FNDC1: variants seen among roughly 807,000 people sequenced by gnomAD.
FNDC1 encodes the protein fibronectin type III domain containing 1.
Under a neutral mutation model 168.0 loss-of-function variants are expected in FNDC1, and 96 were observed. That is an observed-to-expected ratio of 0.57 (90% CI 0.48 to 0.68). FNDC1 has a LOEUF of 0.68. FNDC1 is among the 30% of genes least tolerant of loss of function. The probability of loss-of-function intolerance (pLI) is 0.00; values close to 1 mark genes in which losing one functional copy is unlikely to be tolerated. For missense variants in FNDC1, 2,587 were observed against 2,482.1 expected (o/e 1.04, Z -0.90); for synonymous variants, 1,099 against 1,025.9 (o/e 1.07, Z -1.36).
At chr6:159,220,939 T>G (rs1782810432) in intron 5 of FNDC1, among the ~76,000 whole-genome samples, 1 of 152,196 alleles carries the variant, frequency 6.6e-6, no homozygotes, top group South Asian at 2.1e-4. Flanking sequence ...CTGTTCAATT[T>G]TCAAGTTCAG....
intron 4 of FNDC1, among the ~76,000 whole-genome samples, chr6:159,209,530 G>A (rs1583872871): frequency 6.6e-6 from 1 of 152,320 alleles, no homozygotes; most frequent in African/African-American, 2.4e-5. Context: ...CATGTCAAGT[G>A]GCATTTCCTG....
chr6:159,239,698 C>G lies in FNDC1; in HGVS notation c.4362C>G (p.Thr1454=). The G allele has an allele frequency of 6.4e-7, 1 of 1,551,330 alleles. No individual in the cohort carries two copies. Among genetic ancestry groups the G allele is most frequent in the Non-Finnish European group, 8.7e-7 (1 of 1,147,000 alleles). ...THPPTTTMQP[T]TTTTPLPTTT... ...CCCCTACCACTACCATGCAGCCCACCACTACTACGACGCCCCTGCCTACCA... is the reference window on the plus strand; with the variant it reads ...CCCCTACCACTACCATGCAGCCCACGACTACTACGACGCCCCTGCCTACCA... The change falls in exon 14 of 23, where the codon ACC becomes ACG. Residue 1454 remains threonine (T), a synonymous_variant. Transcript: ENST00000297267.
rs751300011 is a variant in FNDC1 at position 159,267,792 on chromosome 6, T to C, written c.5447-12T>C. 3 of 1,613,412 alleles carry C rather than the reference T, an allele frequency of 1.9e-6. No individual in the cohort carries two copies. Among genetic ancestry groups the C allele is most frequent in the Admixed American group, 3.3e-5 (2 of 59,906 alleles). ...GTACCTAGTCATGGACTCAATCAAT[T>C]CCTTCATGCAGATACATTCTACAGC... On this transcript the variant is annotated splice_polypyrimidine_tract_variant and intron_variant, in intron 21 of 22. Transcript: ENST00000297267.
chr6:159,189,022 G>A (rs1359402476), intron 1 of FNDC1, among the ~76,000 whole-genome samples: 1 of 152,164 alleles, frequency 6.6e-6, no homozygotes, highest in Non-Finnish European at 1.5e-5. Flanking sequence ...CAAGTGCTGG[G>A]ATTATAGGTG....
intron 1 of FNDC1, among the ~76,000 whole-genome samples, chr6:159,177,133 G>T (rs73799321): frequency 0.024 from 3,611 of 152,182 alleles, 124 homozygotes; most frequent in African/African-American, 0.081. Context: ...ATTCAGTGTG[G>T]TTCCCAAGGA....
In FNDC1 at chr6:159,233,665, C is replaced by G; in HGVS notation, c.3153C>G (p.Ser1051=). ...PRPTSQGRSH[S]SSDPYTASSR... ...CCACGTCGCAGGGCCGCTCCCACTC[C>G]TCCTCGGACCCTTACACGGCGAGCT... The change falls in exon 11 of 23, where the codon TCC becomes TCG. Residue 1051 remains serine, a synonymous_variant. Transcript: ENST00000297267. This position sits in a 1 kb window ranked among gnomAD's most constrained non-coding sequence, Gnocchi z 4.6. 1 of 1,551,078 alleles carries G rather than the reference C, an allele frequency of 6.4e-7. No individual in the cohort carries two copies. The highest frequency in any genetic ancestry group is 8.7e-7 in the Non-Finnish European group (1 of 1,148,632).
At chr6:159,250,045 C>T (rs949862691) in intron 16 of FNDC1, among the ~76,000 whole-genome samples, 13 of 152,212 alleles carry the variant, frequency 8.5e-5, no homozygotes, top group African/African-American at 2.4e-4. Flanking sequence ...TTACCACATG[C>T]GCTGACTTCT....
At chr6:159,174,004 C>T (rs1781713047) in intron 1 of FNDC1, among the ~76,000 whole-genome samples, 1 of 152,168 alleles carries the variant, frequency 6.6e-6, no homozygotes. Context: ...GAGCAGACCT[C>T]TTTTCATTGG....
At chr6:159,172,654 T>G (rs1026036212) in intron 1 of FNDC1, among the ~76,000 whole-genome samples, 3 of 152,196 alleles carry the variant, frequency 2.0e-5, no homozygotes, top group African/African-American at 7.2e-5. Context: ...CAATCTTGCA[T>G]GGGTAAAAGG....
At chr6:159,246,467 G>A (rs1777127268) in intron 14 of FNDC1, among the ~76,000 whole-genome samples, 1 of 152,186 alleles carries the variant, frequency 6.6e-6, no homozygotes. Flanking sequence ...TCACCATCCT[G>A]AGCACCAACC....
At chr6:159,199,937 G>A in intron 2 of FNDC1, 59 bp from the exon 3 acceptor site, 1 of 1,432,074 alleles carries the variant, frequency 7.0e-7, no homozygotes, top group Non-Finnish European at 9.7e-7. Flanking sequence ...GTTAGTGAGT[G>A]AAACTGTGTC....
intron 18 of FNDC1, among the ~76,000 whole-genome samples, chr6:159,259,835 C>T (rs1777449724): frequency 6.6e-6 from 1 of 152,188 alleles, no homozygotes; most frequent in Admixed American, 6.5e-5. Flanking sequence ...ATGCAAATGG[C>T]TTAGGAAGAC....
chr6:159,197,302 C>A, intron 1 of FNDC1, 129 bp from the exon 2 acceptor site: 1 of 869,662 alleles, frequency 1.1e-6, no homozygotes, highest in South Asian at 1.8e-5. Context: ...CATGACTATC[C>A]TTAAAGTCTT....
chr6:159,224,588 G>T (rs748778391), intron 7 of FNDC1, among the ~76,000 whole-genome samples: 1 of 152,112 alleles, frequency 6.6e-6, no homozygotes, highest in Non-Finnish European at 1.5e-5. Flanking sequence ...AAGATTCGTA[G>T]CAATTCTCTC....
Position 159,264,687 on chromosome 6 carries a change from AT to A in FNDC1, c.5255-281del, listed in dbSNP as rs199767059. 4.8e-4 allele frequency among the ~76,000 whole-genome samples: 73 copies of A among 152,282 alleles called. 1 individual carries two copies. In the East Asian group the frequency reaches 0.011, roughly 23 times the overall value. On this transcript the variant is annotated intron_variant, in intron 19 of 22. Transcript: ENST00000297267. ...CCACACTATTTTCTAAAGGTAGACA[AT>A]TTTTTTAAATGAGTACTGAATTATT...
intron 14 of FNDC1, among the ~76,000 whole-genome samples, chr6:159,246,522 G>T (rs1777128215): frequency 6.6e-6 from 1 of 152,244 alleles, no homozygotes; most frequent in Non-Finnish European, 1.5e-5. Context: ...GAGAGCGCCT[G>T]CTGTGGCATG....
At position 159,239,977 on chromosome 6, in the gene FNDC1, T is replaced by C; in HGVS notation, c.4621+20T>C. On this transcript the variant is annotated intron_variant, in intron 14 of 22. Transcript: ENST00000297267. ...AAGAAGGTAACTGCCTTTGTTCTAATGCTAACTACTTACCAGGCACACTAG... is the reference window on the plus strand; with the variant it reads ...AAGAAGGTAACTGCCTTTGTTCTAACGCTAACTACTTACCAGGCACACTAG... 3.4e-6 allele frequency: 5 copies of C among 1,462,772 alleles called. No homozygotes were observed. Among genetic ancestry groups the C allele is most frequent in the Non-Finnish European group, 4.5e-6 (5 of 1,101,936 alleles). The allele number at this position is 1,462,772 out of a possible 1,614,324, so 90.6% of individuals were successfully genotyped here. A position where few individuals can be genotyped will look rare whatever the true frequency, so the allele number is the denominator to read the frequency against.
chr6:159,225,791 T>C, intron 8 of FNDC1, 69 bp downstream of exon 8: 6 of 1,389,724 alleles, frequency 4.3e-6, no homozygotes, highest in Non-Finnish European at 5.9e-6. Context: ...TTAAAGACAA[T>C]GTAAGATGCC....
At chr6:159,235,444 GA>G in intron 11 of FNDC1, among the ~76,000 whole-genome samples, 1 of 152,180 alleles carries the variant, frequency 6.6e-6, no homozygotes, top group East Asian at 1.9e-4. Context: ...CTAGCACCCT[GA>G]GAGTAGATGT....
Sources: gnomAD v4.1 joint callset for allele counts (sites outside exome capture counted in the v4.1 genomes callset) on GRCh38, gnomAD v4.1.1 for gene constraint, Gnocchi (gnomAD v3.1) non-coding constraint, MANE v1.5 for transcripts, NCBI Gene and HGNC (gene_info 2026-07-23, HGNC 2026-07-21) for gene names.